Variants in SLC68A1 observed in about 807,000 individuals in gnomAD.
SLC68A1 encodes the protein solute carrier family 68 member 1.
At chr10:102,467,301 G>C in the SLC68A1 span, among the ~76,000 whole-genome samples, 4 of 152,208 alleles carry the variant, frequency 2.6e-5, no homozygotes, top group South Asian at 6.2e-4. Context: ...CTCCCAAAGT[G>C]CTGGGATTAC....
chr10:102,470,680 C>T, the SLC68A1 span: 1 of 1,609,444 alleles, frequency 6.2e-7, no homozygotes, highest in African/African-American at 1.3e-5. Flanking sequence ...GCGCCGGGCT[C>T]TCCTCAAGGG....
the SLC68A1 span, chr10:102,466,078 C>T: frequency 6.6e-6 from 1 of 152,206 alleles, no homozygotes; most frequent in African/African-American, 2.4e-5. Flanking sequence ...CTGCTCCTAC[C>T]CTGATCTAGG....
At chr10:102,463,342 T>G in the SLC68A1 span, among the ~76,000 whole-genome samples, 3 of 151,952 alleles carry the variant, frequency 2.0e-5, no homozygotes, top group African/African-American at 7.3e-5. Flanking sequence ...CTGGCTAATT[T>G]TTGTATTTTT....
chr10:102,471,469 T>G, the SLC68A1 span: 1 of 1,576,084 alleles, frequency 6.3e-7, no homozygotes. Flanking sequence ...CCTCAAGAGC[T>G]GGGAACTTGG....
At chr10:102,476,835 G>A in the SLC68A1 span, 1 of 985,642 alleles carries the variant, frequency 1.0e-6, no homozygotes, top group Non-Finnish European at 1.2e-6. Context: ...TACTGCAACT[G>A]CTCCCTTTTG....
At chr10:102,476,984 C>T in the SLC68A1 span, 10 of 986,004 alleles carry the variant, frequency 1.0e-5, no homozygotes, top group South Asian at 2.8e-4. Flanking sequence ...CACCCCCACA[C>T]GGCCTCTAAA....
the SLC68A1 span, chr10:102,476,210 G>A: frequency 1.4e-6 from 1 of 703,826 alleles, no homozygotes; most frequent in Non-Finnish European, 2.1e-6. Context: ...TGGGATTATA[G>A]GAGCGTGCCA....
chr10:102,465,625 G>C, the SLC68A1 span, among the ~76,000 whole-genome samples: 4 of 152,262 alleles, frequency 2.6e-5, no homozygotes, highest in East Asian at 7.7e-4. Flanking sequence ...GGTGGGTCTT[G>C]GAAGGTGCCA....
chr10:102,473,108 G>A, the SLC68A1 span: 7 of 666,532 alleles, frequency 1.1e-5, no homozygotes, highest in Admixed American at 5.0e-5. Flanking sequence ...TTACAGGTGT[G>A]AGCCACTGCG....
the SLC68A1 span, among the ~76,000 whole-genome samples, chr10:102,465,297 C>T: frequency 5.3e-5 from 8 of 150,692 alleles, no homozygotes; most frequent in East Asian, 5.9e-4. Context: ...TGGTGGCAGG[C>T]GCCTGTAATC....
At chr10:102,469,616 A>AG in the SLC68A1 span, among the ~76,000 whole-genome samples, 23,191 of 150,568 alleles carry the variant, frequency 0.15, 2,067 homozygotes, top group Middle Eastern at 0.24. Context: ...GCGCAATCTC[A>AG]GCTCACTGCA....
At chr10:102,476,517 T>C in the SLC68A1 span, 3 of 985,994 alleles carry the variant, frequency 3.0e-6, no homozygotes, top group Non-Finnish European at 3.6e-6. Flanking sequence ...GAGCTAGTTT[T>C]ACCAGCACCC....
the SLC68A1 span, among the ~76,000 whole-genome samples, chr10:102,467,901 G>A: frequency 8.5e-5 from 13 of 152,214 alleles, no homozygotes; most frequent in Admixed American, 3.9e-4. Flanking sequence ...CAGGTGATCC[G>A]CCTACCCCGG....
chr10:102,475,805 C>T, the SLC68A1 span: 1 of 1,613,974 alleles, frequency 6.2e-7, no homozygotes, highest in African/African-American at 1.3e-5. Context: ...AGCCCCTGCA[C>T]AGGCCCCGAC....
At chr10:102,475,826 GGCT>G in the SLC68A1 span, 1 of 1,614,044 alleles carries the variant, frequency 6.2e-7, no homozygotes, top group Non-Finnish European at 8.5e-7. Flanking sequence ...GCTCCGCCAG[GGCT>G]GCTTCTACCT....
chr10:102,467,992 G>A, the SLC68A1 span, among the ~76,000 whole-genome samples: 1 of 151,750 alleles, frequency 6.6e-6, no homozygotes, highest in South Asian at 2.1e-4. Flanking sequence ...GGATGGGGGT[G>A]TGGTGGGCCG....
the SLC68A1 span, among the ~76,000 whole-genome samples, chr10:102,463,347 A>G: frequency 6.6e-6 from 1 of 151,920 alleles, no homozygotes; most frequent in South Asian, 2.1e-4. Flanking sequence ...TAATTTTTGT[A>G]TTTTTAGTAG....
At chr10:102,469,006 G>T in the SLC68A1 span, 1 of 1,601,160 alleles carries the variant, frequency 6.2e-7, no homozygotes, top group East Asian at 2.2e-5. Flanking sequence ...CGGTGCTCCT[G>T]GGGCTAAGGC....
At chr10:102,472,770 G>A in the SLC68A1 span, 1 of 973,448 alleles carries the variant, frequency 1.0e-6, no homozygotes, top group South Asian at 1.3e-5. Context: ...GGAGTTGGGG[G>A]GGATGTGTGT....
Sources: gnomAD v4.1 joint callset for allele counts (sites outside exome capture counted in the v4.1 genomes callset) on GRCh38, gnomAD v4.1.1 for gene constraint, MANE v1.5 for transcripts, NCBI Gene and HGNC (gene_info 2026-07-23, HGNC 2026-07-21) for gene names.